Variants in BTRC observed in about 807,000 individuals in gnomAD.
BTRC encodes F-box/WD repeat-containing protein 1A.
Under a neutral mutation model 85.5 loss-of-function variants are expected in BTRC, and 42 were observed. The observed-to-expected ratio is 0.49, with a 90% CI of 0.38 to 0.64. The LOEUF (loss-of-function observed/expected upper bound fraction) is 0.64, where lower values mean the gene tolerates loss of function less well. Ranked by LOEUF, BTRC falls within the 30% of genes least tolerant of loss-of-function variation. The pLI, the probability that BTRC is intolerant of heterozygous loss-of-function variation, is 0.00. For missense variants in BTRC, 594 were observed against 743.5 expected (o/e 0.80, Z 2.34); for synonymous variants, 255 against 263.3 (o/e 0.97, Z 0.30).
chr10:101,469,991 C>T (rs1055461662), intron 3 of BTRC, among the ~76,000 whole-genome samples: 5 of 152,116 alleles, frequency 3.3e-5, no homozygotes, highest in African/African-American at 1.2e-4. Flanking sequence ...TGGTGGATAT[C>T]TGAGCCATTT....
chr10:101,424,706 C>T (rs1379681374), intron 1 of BTRC, among the ~76,000 whole-genome samples: 1 of 152,102 alleles, frequency 6.6e-6, no homozygotes, highest in Non-Finnish European at 1.5e-5. Context: ...TTGAGATTTT[C>T]AGTGTTCTCT....
intron 1 of BTRC, among the ~76,000 whole-genome samples, chr10:101,370,927 T>A (rs1377823860): frequency 6.6e-6 from 1 of 152,148 alleles, no homozygotes; most frequent in African/African-American, 2.4e-5. Flanking sequence ...CATACATATG[T>A]ACCTATATAC....
chr10:101,420,584 A>G (rs1379590367), intron 1 of BTRC, among the ~76,000 whole-genome samples: 1 of 151,996 alleles, frequency 6.6e-6, no homozygotes, highest in East Asian at 1.9e-4. Flanking sequence ...CCTACGTGGT[A>G]GCCTTCCTTG....
At chr10:101,532,811 C>G in intron 8 of BTRC, 141 bp from the exon 9 acceptor site, 1 of 692,312 alleles carries the variant, frequency 1.4e-6, no homozygotes, top group Non-Finnish European at 2.5e-6. Context: ...CGCGCGCGCG[C>G]TTAGCTATAC....
intron 1 of BTRC, among the ~76,000 whole-genome samples, chr10:101,370,413 CCTT>C (rs1942600157): frequency 6.6e-6 from 1 of 152,062 alleles, no homozygotes; most frequent in Non-Finnish European, 1.5e-5. Context: ...CGGGCCCGCC[CCTT>C]CTTCCTTATC....
At chr10:101,535,208 A>G (rs1173098495) in intron 10 of BTRC, 146 bp from the exon 11 acceptor site, 4 of 758,660 alleles carry the variant, frequency 5.3e-6, no homozygotes, top group Non-Finnish European at 8.8e-6. Context: ...GTTACCATGA[A>G]TTTAAATTGT....
At chr10:101,361,605 GGATCT>G (rs1942209753) in intron 1 of BTRC, among the ~76,000 whole-genome samples, 1 of 152,210 alleles carries the variant, frequency 6.6e-6, no homozygotes, top group Non-Finnish European at 1.5e-5. Flanking sequence ...AGGGTCCACT[GGATCT>G]TAACAGTTTC....
At chr10:101,375,618 CG>C (rs1341193140) in intron 1 of BTRC, among the ~76,000 whole-genome samples, 1 of 152,172 alleles carries the variant, frequency 6.6e-6, no homozygotes, top group African/African-American at 2.4e-5. Context: ...GGTAGCAAAG[CG>C]TTGCTTCAAG....
chr10:101,381,267 G>T (rs968494447), intron 1 of BTRC, among the ~76,000 whole-genome samples: 1 of 152,162 alleles, frequency 6.6e-6, no homozygotes, highest in African/African-American at 2.4e-5. Flanking sequence ...ATTTACAAAT[G>T]TGGAAACTGA....
chr10:101,413,848 A>C (rs1943851142), intron 1 of BTRC, among the ~76,000 whole-genome samples: 1 of 152,088 alleles, frequency 6.6e-6, no homozygotes, highest in Non-Finnish European at 1.5e-5. Flanking sequence ...CATGTTATAT[A>C]TTTTAAATTT....
chr10:101,359,663 CA>C (rs1279008674), intron 1 of BTRC, among the ~76,000 whole-genome samples: 1 of 149,126 alleles, frequency 6.7e-6, no homozygotes, highest in Non-Finnish European at 1.5e-5. Context: ...TGCAATGGTG[CA>C]AACTCAGTTC....
At chr10:101,412,909 A>C (rs1446171043) in intron 1 of BTRC, among the ~76,000 whole-genome samples, 1 of 152,234 alleles carries the variant, frequency 6.6e-6, no homozygotes, top group Non-Finnish European at 1.5e-5. Context: ...GATAATCAAA[A>C]GTGGAAATTG....
intron 1 of BTRC, among the ~76,000 whole-genome samples, chr10:101,382,916 T>TA (rs1257037157): frequency 1.3e-5 from 2 of 152,132 alleles, no homozygotes; most frequent in African/African-American, 2.4e-5. Flanking sequence ...TTTTACATTG[T>TA]AAAAAAGATA....
chr10:101,372,900 A>G (rs566772642), intron 1 of BTRC, among the ~76,000 whole-genome samples: 13 of 152,140 alleles, frequency 8.5e-5, no homozygotes, highest in Non-Finnish European at 1.3e-4. Flanking sequence ...TCCACAAAAC[A>G]TACTTTTATG....
intron 2 of BTRC, among the ~76,000 whole-genome samples, chr10:101,449,969 C>T (rs1944918302): frequency 6.7e-6 from 1 of 148,174 alleles, no homozygotes; most frequent in Non-Finnish European, 1.5e-5. Context: ...TTTGTAATTG[C>T]ATTCGTACAT....
At chr10:101,359,161 A>C (rs1335911967) in intron 1 of BTRC, among the ~76,000 whole-genome samples, 1 of 152,224 alleles carries the variant, frequency 6.6e-6, no homozygotes, top group Admixed American at 6.5e-5. Flanking sequence ...TTGCTTACTT[A>C]CTTCAGGAAA....
intron 2 of BTRC, among the ~76,000 whole-genome samples, chr10:101,442,890 T>TC (rs1491194042): frequency 2.9e-5 from 2 of 68,120 alleles, no homozygotes; most frequent in African/African-American, 2.1e-4. Flanking sequence ...TCACTTGCTC[T>TC]TTTTTTTTTT....
rs1554884571 is a variant in BTRC at position 101,475,954 on chromosome 10, T to TATATATATATATATA, written c.235-3414_235-3413insATATATATATATATA. 2.3e-3 allele frequency among the ~76,000 whole-genome samples: 314 copies of TATATATATATATATA among 133,942 alleles called. 1 individual carries two copies. Among genetic ancestry groups the TATATATATATATATA allele is most frequent in the South Asian group, 4.4e-3 (19 of 4,318 alleles). The allele number at this position is 133,942 out of a possible 152,430, so 87.9% of individuals were successfully genotyped here. ...ATATATATATATATATATATATATA[T>TATATATATATATATA]TCAGTAATTCCTAAGGGGAAAATAA... is the stretch of plus-strand genomic sequence containing the variant. On this transcript the variant is annotated intron_variant, in intron 3 of 14. Transcript: ENST00000370187.
chr10:101,355,181 C>T (rs1941998528), intron 1 of BTRC, among the ~76,000 whole-genome samples: 1 of 151,820 alleles, frequency 6.6e-6, no homozygotes, highest in African/African-American at 2.4e-5. Flanking sequence ...AAAGGAAAGG[C>T]CGTGGAGATG....
Sources: gnomAD v4.1 joint callset for allele counts (sites outside exome capture counted in the v4.1 genomes callset) on GRCh38, gnomAD v4.1.1 for gene constraint, MANE v1.5 for transcripts, NCBI Gene and HGNC (gene_info 2026-07-23, HGNC 2026-07-21) for gene names.